KSR2: variants seen among roughly 807,000 people sequenced by gnomAD.
KSR2 encodes the protein kinase suppressor of ras 2.
A neutral mutation model predicts 107.8 loss-of-function variants in KSR2; 25 were observed. The observed-to-expected ratio is 0.23, with a 90% CI of 0.17 to 0.32. KSR2 has a LOEUF of 0.32. Among genes scored for constraint, KSR2 ranks in the 10% least tolerant of loss-of-function variants. The pLI, the probability that KSR2 is intolerant of heterozygous loss-of-function variation, is 1.00. For synonymous variants in KSR2, 480 were observed against 507.0 expected, an observed-to-expected ratio of 0.95 and a Z score of 0.71; for missense variants, 887 against 1,268.9, an observed-to-expected ratio of 0.70 and a Z score of 4.57.
intron 5 of KSR2, among the ~76,000 whole-genome samples, chr12:117,602,180 G>A (rs371001080): frequency 6.6e-6 from 1 of 152,152 alleles, no homozygotes; most frequent in African/African-American, 2.4e-5. Context: ...CTTGTGGTCT[G>A]TATAAAAACA....
At chr12:117,624,911 G>C (rs1255043940) in intron 5 of KSR2, among the ~76,000 whole-genome samples, 1 of 152,118 alleles carries the variant, frequency 6.6e-6, no homozygotes, top group African/African-American at 2.4e-5. Context: ...CCTTGAAGAG[G>C]TCCTTCACAT....
chr12:117,480,826 T>C (rs1103035), intron 16 of KSR2, among the ~76,000 whole-genome samples: 39,279 of 152,094 alleles, frequency 0.26, 5,224 homozygotes, highest in East Asian at 0.33. Context: ...GAGATCTGTT[T>C]GCACACAAGT....
chr12:117,574,488 G>A (rs949552146), intron 7 of KSR2, among the ~76,000 whole-genome samples: 2 of 152,126 alleles, frequency 1.3e-5, no homozygotes, highest in Non-Finnish European at 2.9e-5. Context: ...CCCAAAGGCC[G>A]CGACAAGAGA....
intron 3 of KSR2, among the ~76,000 whole-genome samples, chr12:117,847,518 C>T (rs970361912): frequency 3.9e-5 from 6 of 152,236 alleles, no homozygotes; most frequent in African/African-American, 1.2e-4. Flanking sequence ...CTCTCCCCTC[C>T]GTGGCTCCCT....
chr12:117,580,894 C>T (rs1480688823), intron 6 of KSR2, among the ~76,000 whole-genome samples: 3 of 151,808 alleles, frequency 2.0e-5, no homozygotes, highest in African/African-American at 7.3e-5. Context: ...GAGCCTGGGG[C>T]GTAGCCAATC....
chr12:117,693,675 T>C (rs573030018), intron 4 of KSR2, among the ~76,000 whole-genome samples: 1 of 152,266 alleles, frequency 6.6e-6, no homozygotes, highest in East Asian at 1.9e-4. Flanking sequence ...CTTTCCATAA[T>C]AGTGATGTTC....
At chr12:117,700,904 T>C (rs962568787) in intron 4 of KSR2, among the ~76,000 whole-genome samples, 1 of 152,140 alleles carries the variant, frequency 6.6e-6, no homozygotes, top group Admixed American at 6.5e-5. Flanking sequence ...GGAACTCCCA[T>C]TGTATTTCCT....
intron 4 of KSR2, among the ~76,000 whole-genome samples, chr12:117,687,797 A>G (rs921898047): frequency 2.6e-5 from 4 of 152,090 alleles, no homozygotes; most frequent in African/African-American, 9.7e-5. Flanking sequence ...TGAATCTTCA[A>G]CAGCATGACA....
intron 5 of KSR2, among the ~76,000 whole-genome samples, chr12:117,655,223 A>C (rs920093159): frequency 6.6e-6 from 1 of 152,240 alleles, no homozygotes; most frequent in East Asian, 1.9e-4. Context: ...GACTCACGGA[A>C]TGGCTTATCC....
intron 5 of KSR2, among the ~76,000 whole-genome samples, chr12:117,592,355 C>G (rs1407715530): frequency 6.6e-6 from 1 of 152,032 alleles, no homozygotes; most frequent in African/African-American, 2.4e-5. Flanking sequence ...CTCAGGTGAT[C>G]CTCCCACTTC....
At chr12:117,713,377 T>C (rs1409657149) in intron 4 of KSR2, among the ~76,000 whole-genome samples, 2 of 152,068 alleles carry the variant, frequency 1.3e-5, no homozygotes, top group African/African-American at 2.4e-5. Flanking sequence ...TAGATAGACA[T>C]AGAGATGTCT....
At chr12:117,518,688 A>C (rs749811612) in intron 14 of KSR2, among the ~76,000 whole-genome samples, 1 of 152,182 alleles carries the variant, frequency 6.6e-6, no homozygotes, top group Non-Finnish European at 1.5e-5. Flanking sequence ...ATTCCTTTCT[A>C]TGGCATTCAA....
intron 19 of KSR2, chr12:117,467,831 TA>T (rs36058871): frequency 1.2e-3 from 456 of 383,094 alleles, no homozygotes; most frequent in Admixed American, 1.9e-3. Flanking sequence ...ATAGGCTGAA[TA>T]AAAAAAAAAA....
chr12:117,818,583 TTA>T (rs1328503807), intron 3 of KSR2, among the ~76,000 whole-genome samples: 2 of 152,210 alleles, frequency 1.3e-5, no homozygotes, highest in Non-Finnish European at 2.9e-5. Context: ...TAGCAAGTGC[TTA>T]GTGCAGGGCA....
At chr12:117,873,478 T>TTTTG (rs1893723821) in intron 1 of KSR2, among the ~76,000 whole-genome samples, 2 of 149,254 alleles carry the variant, frequency 1.3e-5, no homozygotes, top group Admixed American at 6.7e-5. Context: ...TTTTTTTTTT[T>TTTTG]GAGATGGAGT....
chr12:117,648,688 T>G (rs1019328926), intron 5 of KSR2, among the ~76,000 whole-genome samples: 3 of 152,244 alleles, frequency 2.0e-5, no homozygotes, highest in Admixed American at 1.3e-4. Context: ...TTGAATATTT[T>G]CTTATGCTTA....
chr12:117,764,963 T>C (rs926946215), intron 3 of KSR2, among the ~76,000 whole-genome samples: 1 of 152,230 alleles, frequency 6.6e-6, no homozygotes, highest in African/African-American at 2.4e-5. Flanking sequence ...AGGTACACCA[T>C]AAATGCTAGC....
At chr12:117,714,731 C>A (rs907936346) in intron 4 of KSR2, among the ~76,000 whole-genome samples, 3 of 152,122 alleles carry the variant, frequency 2.0e-5, no homozygotes, top group Non-Finnish European at 4.4e-5. Context: ...CTCTAGGGGA[C>A]ATCGGACAAT....
At position 117,469,732 on chromosome 12, in the gene KSR2, C is replaced by A. The variant is rs757749322; in HGVS notation, c.2776G>T (p.Asp926Tyr). 2 of 1,613,700 alleles carry A rather than the reference C, an allele frequency of 1.2e-6. No individual in the cohort carries two copies. Among genetic ancestry groups the A allele is most frequent in the Non-Finnish European group, 1.7e-6 (2 of 1,179,822 alleles). ...EERPTFTKLM[D>Y]MLEKLPKRNR... ...CGCTTTGGCAGTTTCTCCAGCATGT[C>A]CATGAGCTTGGTGAAGGTAGGTCTC... Residue 926 changes from aspartate to tyrosine, a missense_variant, in exon 19 of 20, where the codon GAC becomes TAC. By Grantham distance (160) the Asp-to-Tyr change is radical. This residue lies in a region of KSR2 where 308 missense variants were observed against 506.2 expected (regional missense o/e 0.61). Transcript: ENST00000339824.
Sources: allele counts gnomAD v4.1 joint callset (sites outside exome capture counted in the v4.1 genomes callset), GRCh38; gene constraint gnomAD v4.1.1; regional missense constraint gnomAD v4.1.1; transcripts MANE v1.5; gene names NCBI Gene and HGNC (gene_info 2026-07-23, HGNC 2026-07-21).